Variants in DIP2B observed in about 807,000 individuals in gnomAD.
The protein encoded by DIP2B is DIP2 acetate--CoA ligase B (putative), also known as disco-interacting protein 2 homolog B.
A neutral mutation model predicts 198.0 loss-of-function variants in DIP2B; 76 were observed. The ratio of observed to expected loss-of-function variants is 0.38; its 90% confidence interval spans 0.32 to 0.46. The LOEUF is 0.46. DIP2B is among the 20% of genes least tolerant of loss of function. The pLI is 0.99. For synonymous variants in DIP2B, 701 were observed against 739.1 expected (o/e 0.95, Z 0.84); for missense variants, 1,559 against 1,978.4 (o/e 0.79, Z 4.02).
intron 4 of DIP2B, among the ~76,000 whole-genome samples, chr12:50,664,726 C>G (rs1288119906): frequency 6.6e-6 from 1 of 151,606 alleles, no homozygotes; most frequent in Non-Finnish European, 1.5e-5. Flanking sequence ...TAAGCTATTT[C>G]AACTAGCTTA....
chr12:50,645,975 T>C (rs1200525447), intron 3 of DIP2B, among the ~76,000 whole-genome samples: 1 of 151,998 alleles, frequency 6.6e-6, no homozygotes, highest in Non-Finnish European at 1.5e-5. Flanking sequence ...CTAGGGAAAG[T>C]TTTCACTTTA....
intron 22 of DIP2B, among the ~76,000 whole-genome samples, chr12:50,713,543 G>A (rs1024442205): frequency 4.6e-5 from 7 of 152,322 alleles, no homozygotes; most frequent in South Asian, 2.1e-4. Flanking sequence ...GCACAGGTAC[G>A]CTCAGGGTAG....
At position 50,716,958 on chromosome 12, in the gene DIP2B, C is replaced by CTTTTTTTTTTTTTTTTTTTTTTTTTT. The variant is rs4026694; in HGVS notation, c.2852-1728_2852-1727insTTTTTTTTTTTTTTTTTTTTTTTTTT. On this transcript the variant is annotated intron_variant, in intron 23 of 37. Transcript: ENST00000301180. ...CCTATCCTAGATTTACGAATTGTTG[C>CTTTTTTTTTTTTTTTTTTTTTTTTTT]TTTTTTTTTTTTTTTTTTTTTTTGA... Among the ~76,000 whole-genome samples the CTTTTTTTTTTTTTTTTTTTTTTTTTT allele has an allele frequency of 2.5e-3, 147 of 58,932 alleles. 38 individuals are homozygous for CTTTTTTTTTTTTTTTTTTTTTTTTTT. Among genetic ancestry groups the CTTTTTTTTTTTTTTTTTTTTTTTTTT allele is most frequent in the East Asian group, 4.6e-3 (6 of 1,298 alleles). The allele number at this position is 58,932 out of a possible 152,430, so 38.7% of individuals were successfully genotyped here. A position where few individuals can be genotyped will look rare whatever the true frequency, so the allele number is the denominator to read the frequency against.
intron 1 of DIP2B, among the ~76,000 whole-genome samples, chr12:50,625,289 C>T (rs1466691513): frequency 6.6e-6 from 1 of 152,154 alleles, no homozygotes; most frequent in Non-Finnish European, 1.5e-5. Context: ...GTACCTAGTC[C>T]ATTTCTTGCC....
At chr12:50,668,099 G>A (rs542778296) in intron 4 of DIP2B, among the ~76,000 whole-genome samples, 4 of 151,966 alleles carry the variant, frequency 2.6e-5, no homozygotes, top group Non-Finnish European at 4.4e-5. Flanking sequence ...GCTTTCTCGC[G>A]TGCAGCCCCC....
At chr12:50,734,010 C>T (rs1940094566) in intron 32 of DIP2B, 125 bp from the exon 33 acceptor site, 7 of 975,482 alleles carry the variant, frequency 7.2e-6, no homozygotes, top group Non-Finnish European at 1.1e-5. Flanking sequence ...GGCCTACTCT[C>T]AAGGGGAGGA....
At chr12:50,651,339 C>G (rs1938449350) in intron 3 of DIP2B, among the ~76,000 whole-genome samples, 1 of 152,150 alleles carries the variant, frequency 6.6e-6, no homozygotes, top group African/African-American at 2.4e-5. Flanking sequence ...TTAATGTAGT[C>G]TTATTTGCCT....
chr12:50,726,533 T>C (rs1349125855), intron 28 of DIP2B, among the ~76,000 whole-genome samples: 5 of 151,836 alleles, frequency 3.3e-5, no homozygotes, highest in African/African-American at 4.8e-5. Flanking sequence ...GTATTTTTAG[T>C]AGAGACAGGG....
At chr12:50,554,414 G>T (rs1958451772) in intron 1 of DIP2B, among the ~76,000 whole-genome samples, 1 of 152,006 alleles carries the variant, frequency 6.6e-6, no homozygotes, top group Admixed American at 6.6e-5. Flanking sequence ...TGTTTTCTCT[G>T]TAATTGCAAG....
chr12:50,583,197 C>T (rs1237890829), intron 1 of DIP2B, among the ~76,000 whole-genome samples: 1 of 152,154 alleles, frequency 6.6e-6, no homozygotes, highest in Admixed American at 6.5e-5. Flanking sequence ...AACCCACACA[C>T]ATGTCCTTTA....
intron 1 of DIP2B, among the ~76,000 whole-genome samples, chr12:50,559,901 G>T (rs1489150114): frequency 6.6e-6 from 1 of 152,140 alleles, no homozygotes; most frequent in Non-Finnish European, 1.5e-5. Flanking sequence ...TTGTTCTTGT[G>T]TGCCTGTGTA....
At chr12:50,730,141 ATCCCTAC>A (rs1023164718) in intron 30 of DIP2B, among the ~76,000 whole-genome samples, 47 of 151,992 alleles carry the variant, frequency 3.1e-4, no homozygotes, top group African/African-American at 1.1e-3. Flanking sequence ...CGTATCACCA[ATCCCTAC>A]TCCGTATGTC....
At chr12:50,695,236 T>A (rs764034737) in intron 14 of DIP2B, 31 bp from the exon 15 acceptor site, 3 of 1,575,738 alleles carry the variant, frequency 1.9e-6, no homozygotes, top group Non-Finnish European at 2.6e-6. Flanking sequence ...TATTTTGTAT[T>A]GATTACTTTT....
chr12:50,559,465 G>A (rs1958499567), intron 1 of DIP2B, among the ~76,000 whole-genome samples: 1 of 151,942 alleles, frequency 6.6e-6, no homozygotes, highest in Admixed American at 6.6e-5. Context: ...ATTAGGCTGG[G>A]CATAGTGTCT....
intron 7 of DIP2B, among the ~76,000 whole-genome samples, chr12:50,677,718 G>C (rs1938972260): frequency 6.6e-6 from 1 of 151,906 alleles, no homozygotes; most frequent in African/African-American, 2.4e-5. Flanking sequence ...TCTGTGAAAG[G>C]GTATGAAATA....
intron 1 of DIP2B, among the ~76,000 whole-genome samples, chr12:50,506,870 A>T (rs563158482): frequency 6.6e-6 from 1 of 152,326 alleles, no homozygotes; most frequent in South Asian, 2.1e-4. Context: ...TCTAGCTTTG[A>T]TTAGAGAGAG....
intron 16 of DIP2B, 151 bp downstream of exon 16, chr12:50,696,118 A>C: frequency 8.0e-7 from 1 of 1,243,310 alleles, no homozygotes. Context: ...CGAGTTGTGT[A>C]ACCATCATTA....
chr12:50,696,053 A>G (rs966034575), intron 16 of DIP2B, 86 bp downstream of exon 16: 15 of 1,561,214 alleles, frequency 9.6e-6, no homozygotes, highest in Middle Eastern at 1.7e-4. Flanking sequence ...TATAATTCAC[A>G]TACTGAAAAA....
At chr12:50,647,159 C>G (rs897242540) in intron 3 of DIP2B, among the ~76,000 whole-genome samples, 5 of 152,076 alleles carry the variant, frequency 3.3e-5, no homozygotes, top group Non-Finnish European at 7.4e-5. Flanking sequence ...CTCAAACGAT[C>G]CTCCCTCCTT....
Sources: gnomAD v4.1 joint callset for allele counts (sites outside exome capture counted in the v4.1 genomes callset) on GRCh38, gnomAD v4.1.1 for gene constraint, MANE v1.5 for transcripts, NCBI Gene and HGNC (gene_info 2026-07-23, HGNC 2026-07-21) for gene names.